Variants in CASQ2 observed in about 807,000 individuals in gnomAD.
CASQ2 encodes calsequestrin 2.
CASQ2 carries 49 observed loss-of-function variants against 46.5 expected under a neutral mutation model. That is an observed-to-expected ratio of 1.05 (90% confidence interval 0.84 to 1.34). The LOEUF (loss-of-function observed/expected upper bound fraction) is 1.34, where lower values mean the gene tolerates loss of function less well. CASQ2 is among the 40% of genes most tolerant of loss of function. CASQ2 has a pLI of 0.00. For missense variants in CASQ2, 486 were observed against 481.3 expected, an observed-to-expected ratio of 1.01 and a Z score of -0.09; for synonymous variants, 174 against 168.5, an observed-to-expected ratio of 1.03 and a Z score of -0.25.
intron 8 of CASQ2, among the ~76,000 whole-genome samples, chr1:115,709,768 C>T (rs1462936107): frequency 6.6e-6 from 1 of 152,198 alleles, no homozygotes. Flanking sequence ...CTTATCCTTG[C>T]ATCCAATTGA....
chr1:115,727,182 T>C (rs1032969856), intron 5 of CASQ2, 60 bp from the exon 6 acceptor site: 2 of 1,280,802 alleles, frequency 1.6e-6, no homozygotes, highest in African/African-American at 2.9e-5. Context: ...TAGCAGTGTG[T>C]TGTCCATCTA....
rs754879716 is a variant in CASQ2 at position 115,738,282 on chromosome 1, G to A, written c.474C>T (p.Phe158=). ...GTTTGATGTAGTCTTCAATGCGTTC[G>A]AAGGCTTGGACTTCCAGTTTGCTGC... ...IISSKLEVQA[F]ERIEDYIKLI... Residue 158 remains phenylalanine (F), a synonymous_variant, in exon 4 of 11, where the codon TTC becomes TTT. Coordinates refer to ENST00000261448, the MANE Select transcript of CASQ2 (RefSeq NM_001232.4). 100 of 1,613,880 alleles carry A rather than the reference G, an allele frequency of 6.2e-5. No homozygotes were observed. The highest frequency in any genetic ancestry group is 8.1e-5 in the Non-Finnish European group (96 of 1,179,868).
intron 7 of CASQ2, among the ~76,000 whole-genome samples, chr1:115,720,382 G>A (rs964398135): frequency 1.3e-5 from 2 of 152,058 alleles, no homozygotes; most frequent in African/African-American, 4.8e-5. Context: ...TGAGAGTTCA[G>A]CCCTCAAGAC....
intron 1 of CASQ2, 137 bp downstream of exon 1, chr1:115,768,171 T>C: frequency 1.4e-6 from 1 of 699,406 alleles, no homozygotes; most frequent in Admixed American, 2.0e-5. Context: ...GGGCATCTGA[T>C]TCACGTGAGG....
At chr1:115,740,140 T>G (rs1265671160) in intron 3 of CASQ2, among the ~76,000 whole-genome samples, 1 of 152,236 alleles carries the variant, frequency 6.6e-6, no homozygotes, top group African/African-American at 2.4e-5. Context: ...TGCAAGAATA[T>G]GTGTTCAAAG....
chr1:115,749,363 G>A (rs911623020), intron 1 of CASQ2, among the ~76,000 whole-genome samples: 1 of 152,130 alleles, frequency 6.6e-6, no homozygotes, highest in Non-Finnish European at 1.5e-5. Context: ...TGTGATTTTT[G>A]AAGATTTATG....
chr1:115,751,698 C>A (rs1648589934), intron 1 of CASQ2, among the ~76,000 whole-genome samples: 1 of 151,696 alleles, frequency 6.6e-6, no homozygotes, highest in African/African-American at 2.4e-5. Context: ...GCTCTAGGTG[C>A]TACAGGAGTA....
intron 1 of CASQ2, among the ~76,000 whole-genome samples, chr1:115,752,478 C>A (rs1226988240): frequency 6.6e-6 from 1 of 151,926 alleles, no homozygotes; most frequent in African/African-American, 2.4e-5. Flanking sequence ...AAGAGGGAGG[C>A]TGTTTAGAAA....
At chr1:115,743,993 AATG>A (rs1205225973) in intron 2 of CASQ2, among the ~76,000 whole-genome samples, 2 of 137,200 alleles carry the variant, frequency 1.5e-5, no homozygotes, top group Admixed American at 1.5e-4. Context: ...AAAAAAAAAA[AATG>A]AACTGAGCGT....
At chr1:115,735,128 G>T (rs1647912957) in intron 4 of CASQ2, among the ~76,000 whole-genome samples, 2 of 152,162 alleles carry the variant, frequency 1.3e-5, no homozygotes, top group Admixed American at 1.3e-4. Flanking sequence ...AAAATCTTGA[G>T]ATTCAAATAA....
At chr1:115,723,542 A>C (rs1367043091) in intron 7 of CASQ2, among the ~76,000 whole-genome samples, 1 of 151,258 alleles carries the variant, frequency 6.6e-6, no homozygotes, top group Non-Finnish European at 1.5e-5. Flanking sequence ...CATTAATAAG[A>C]CTCTTTTTTT....
Position 115,742,341 on chromosome 1 carries a change from G to T in CASQ2, c.320-1513C>A, listed in dbSNP as rs552586026. On this transcript the variant is annotated intron_variant, in intron 2 of 10. Coordinates refer to ENST00000261448, the MANE Select transcript of CASQ2 (RefSeq NM_001232.4). ...AAGGTGCCCTAGGGAACATTGGCCA[G>T]TGTCCTGCTGTTGGATTTTGTCTTG... Among the ~76,000 whole-genome samples, 164 of 152,272 alleles carry T rather than the reference G, an allele frequency of 1.1e-3. 2 individuals are homozygous for T. The highest frequency in any genetic ancestry group is 5.8e-4 in the East Asian group (3 of 5,184).
At chr1:115,738,452 T>C in intron 3 of CASQ2, 117 bp from the exon 4 acceptor site, 2 of 756,092 alleles carry the variant, frequency 2.6e-6, no homozygotes, top group Non-Finnish European at 4.8e-6. Flanking sequence ...GCCTCAAATA[T>C]CTATTCCATT....
chr1:115,717,333 G>A (rs1654731668), intron 8 of CASQ2, among the ~76,000 whole-genome samples: 2 of 152,118 alleles, frequency 1.3e-5, no homozygotes, highest in Admixed American at 6.5e-5. Flanking sequence ...GACATCAGCT[G>A]GTCTAAAAGG....
chr1:115,732,402 A>G (rs1647819859), intron 5 of CASQ2, among the ~76,000 whole-genome samples: 1 of 152,210 alleles, frequency 6.6e-6, no homozygotes. Flanking sequence ...CATCATATAC[A>G]TGAACTGAAT....
intron 1 of CASQ2, among the ~76,000 whole-genome samples, chr1:115,746,337 A>G (rs1425535955): frequency 1.3e-5 from 2 of 152,198 alleles, no homozygotes; most frequent in Non-Finnish European, 2.9e-5. Context: ...TTTCTCTGAG[A>G]TAAATGTCTA....
rs560006463 is a variant in CASQ2 at position 115,744,533 on chromosome 1, T to C, written c.319+295A>G. Among the ~76,000 whole-genome samples the C allele has an allele frequency of 1.2e-3, 183 of 152,332 alleles. 1 individual carries two copies. The highest frequency in any genetic ancestry group is 4.2e-3 in the African/African-American group (173 of 41,584). Reference sequence around the variant, plus strand: ...GATAAGAGAAGCTGGACTTTTAGCTTGCTTTAGAAGCTGAAAATAAAAGCT... The same window carrying C: ...GATAAGAGAAGCTGGACTTTTAGCTCGCTTTAGAAGCTGAAAATAAAAGCT... On this transcript the variant is annotated intron_variant, in intron 2 of 10. Coordinates refer to ENST00000261448, the MANE Select transcript of CASQ2 (RefSeq NM_001232.4).
At chr1:115,755,619 A>G (rs1305485816) in intron 1 of CASQ2, among the ~76,000 whole-genome samples, 2 of 152,218 alleles carry the variant, frequency 1.3e-5, no homozygotes, top group South Asian at 4.1e-4. Context: ...GTTTATTTTG[A>G]TAGCATCTGC....
At chr1:115,757,967 C>A (rs1648818416) in intron 1 of CASQ2, among the ~76,000 whole-genome samples, 1 of 152,242 alleles carries the variant, frequency 6.6e-6, no homozygotes, top group Non-Finnish European at 1.5e-5. Flanking sequence ...TGCCAAGCAA[C>A]AGCCCATTGG....
Sources: gnomAD v4.1 joint callset for allele counts (sites outside exome capture counted in the v4.1 genomes callset) on GRCh38, gnomAD v4.1.1 for gene constraint, MANE v1.5 for transcripts, NCBI Gene and HGNC (gene_info 2026-07-23, HGNC 2026-07-21) for gene names.